Variants in TMPRSS4 observed in about 807,000 individuals in gnomAD.
TMPRSS4 encodes transmembrane protease serine 4.
In TMPRSS4, 45 loss-of-function variants were observed where a neutral mutation model predicts 56.4. That is an observed-to-expected ratio of 0.80 (90% CI 0.63 to 1.02). TMPRSS4 has a LOEUF of 1.02. Ranked by LOEUF, TMPRSS4 falls within the 50% of genes least tolerant of loss-of-function variation. TMPRSS4 has a pLI of 0.00. For synonymous variants in TMPRSS4, 205 were observed against 211.0 expected (o/e 0.97, Z 0.25); for missense variants, 546 against 556.7 (o/e 0.98, Z 0.19).
intron 3 of TMPRSS4, among the ~76,000 whole-genome samples, chr11:118,101,342 A>G (rs747154482): frequency 1.3e-5 from 2 of 152,192 alleles, no homozygotes; most frequent in Non-Finnish European, 2.9e-5. Context: ...ACTACTCTTA[A>G]GACCAGCCCA....
At chr11:118,085,398 T>C (rs930221539) in intron 1 of TMPRSS4, among the ~76,000 whole-genome samples, 1 of 152,064 alleles carries the variant, frequency 6.6e-6, no homozygotes, top group African/African-American at 2.4e-5. Flanking sequence ...TAATTTTTTG[T>C]ATTTTTAGTA....
At chr11:118,114,957 G>A in intron 10 of TMPRSS4, 30 bp downstream of exon 10, 1 of 1,571,902 alleles carries the variant, frequency 6.4e-7, no homozygotes, top group Non-Finnish European at 8.7e-7. Context: ...CCACAGGGCA[G>A]GAGATGCCCT....
At chr11:118,088,684 A>C (rs1364671374) in intron 1 of TMPRSS4, among the ~76,000 whole-genome samples, 1 of 152,220 alleles carries the variant, frequency 6.6e-6, no homozygotes, top group East Asian at 1.9e-4. Context: ...CAGTGGCCCA[A>C]ACAGAAAGGG....
chr11:118,110,491 G>A (rs150185538), intron 7 of TMPRSS4, among the ~76,000 whole-genome samples: 12 of 152,156 alleles, frequency 7.9e-5, no homozygotes, highest in East Asian at 5.8e-4. Flanking sequence ...ACAGGCACCC[G>A]TCACCAGCCC....
chr11:118,109,232 C>T (rs1407413967), intron 7 of TMPRSS4, among the ~76,000 whole-genome samples: 1 of 152,216 alleles, frequency 6.6e-6, no homozygotes, highest in East Asian at 1.9e-4. Flanking sequence ...CCCACATAGC[C>T]TTCTTTGTCA....
chr11:118,122,097 G>A (rs1947808153), downstream of TMPRSS4, among the ~76,000 whole-genome samples: 1 of 152,126 alleles, frequency 6.6e-6, no homozygotes, highest in South Asian at 2.1e-4. Flanking sequence ...GTACAAAAGA[G>A]AAAGGAGGGA....
At chr11:118,096,705 G>A (rs1946309149) in intron 2 of TMPRSS4, among the ~76,000 whole-genome samples, 1 of 151,722 alleles carries the variant, frequency 6.6e-6, no homozygotes, top group Non-Finnish European at 1.5e-5. Context: ...AGGATGGCTT[G>A]AGCCCAGGAG....
chr11:118,077,150 C>T lies in TMPRSS4; in HGVS notation c.-153C>T, dbSNP rs1944721405. On this transcript the variant is annotated 5_prime_UTR_variant, in exon 1 of 13. Coordinates refer to ENST00000437212, the MANE Select transcript of TMPRSS4 (RefSeq NM_019894.4). The stretch of plus-strand genomic sequence containing the variant: ...GATGCTGGGCGTGAGGGACCAAGGC[C>T]TGCCCTGCACTCGGGCCTCCTCCAG... 5 of 824,602 alleles carry T rather than the reference C, an allele frequency of 6.1e-6. No individual in the cohort carries two copies. The highest frequency in any genetic ancestry group is 9.3e-6 in the Non-Finnish European group (5 of 537,008). The allele number at this position is 824,602 out of a possible 1,614,324, so 51.1% of individuals were successfully genotyped here.
chr11:118,118,073 G>A lies in TMPRSS4; in HGVS notation c.*160G>A, dbSNP rs1947655998. On this transcript the variant is annotated 3_prime_UTR_variant, in exon 13 of 13. Transcript: ENST00000437212. ...CAGCAAAGGGCCTCAATTCCTATAAGAGACCCTCGCAGCCCAGAGGCGCCC... is the reference window on the plus strand; with the variant it reads ...CAGCAAAGGGCCTCAATTCCTATAAAAGACCCTCGCAGCCCAGAGGCGCCC... The A allele has an allele frequency of 1.4e-6, 2 of 1,477,334 alleles. No homozygotes were observed. Among genetic ancestry groups the A allele is most frequent in the East Asian group, 2.4e-5 (1 of 40,830 alleles). The allele number at this position is 1,477,334 out of a possible 1,614,324, so 91.5% of individuals were successfully genotyped here.
chr11:118,113,427 C>G lies in TMPRSS4; in HGVS notation c.902C>G (p.Thr301Ser). ...CTCATGAAGCTGCAGTTCCCACTCACTTTCTCAGGTGAGAAGCAGGGCCCA... is the reference window on the plus strand; with the variant it reads ...CTCATGAAGCTGCAGTTCCCACTCAGTTTCTCAGGTGAGAAGCAGGGCCCA... ...IALMKLQFPL[T>S]FSGTVRPICL... Residue 301 changes from threonine (T) to serine (S), a missense_variant, in exon 9 of 13, where the codon ACT becomes AGT. Transcript: ENST00000437212. 3.1e-6 allele frequency: 5 copies of G among 1,614,046 alleles called. No homozygotes were observed. Among genetic ancestry groups the G allele is most frequent in the Non-Finnish European group, 4.2e-6 (5 of 1,179,920 alleles).
chr11:118,125,182 G>C, downstream of TMPRSS4: 1 of 440,020 alleles, frequency 2.3e-6, no homozygotes, highest in Non-Finnish European at 4.6e-6. Context: ...GGGCTTCCGG[G>C]AAAGGCTGAG....
intron 1 of TMPRSS4, among the ~76,000 whole-genome samples, chr11:118,079,008 A>C (rs780755568): frequency 2.0e-5 from 3 of 152,104 alleles, no homozygotes; most frequent in Non-Finnish European, 4.4e-5. Flanking sequence ...AGTACACCCA[A>C]CACAGACCCT....
chr11:118,109,707 C>A (rs1046997060), intron 7 of TMPRSS4, among the ~76,000 whole-genome samples: 1 of 152,310 alleles, frequency 6.6e-6, no homozygotes, highest in Non-Finnish European at 1.5e-5. Flanking sequence ...CTGAGACTGG[C>A]CTGGAAGCAT....
intron 3 of TMPRSS4, among the ~76,000 whole-genome samples, chr11:118,102,078 G>C (rs1418010403): frequency 6.6e-6 from 1 of 152,056 alleles, no homozygotes; most frequent in East Asian, 1.9e-4. Flanking sequence ...GTGCCATGGC[G>C]GTTTGCTGCA....
In TMPRSS4 at chr11:118,117,422, G is replaced by A; in HGVS notation, c.1270G>A (p.Ala424Thr). The A allele has an allele frequency of 1.2e-6, 2 of 1,614,052 alleles. No individual in the cohort carries two copies. Among genetic ancestry groups the A allele is most frequent in the African/African-American group, 1.3e-5 (1 of 75,026 alleles). ...CCCAGGAGTATACACCAAGGTCTCAGCCTATCTCAACTGGATCTACAATGT... is the reference window on the plus strand; with the variant it reads ...CCCAGGAGTATACACCAAGGTCTCAACCTATCTCAACTGGATCTACAATGT... ...STPGVYTKVS[A>T]YLNWIYNVWK... Residue 424 changes from alanine to threonine, a missense_variant, in exon 12 of 13, where the codon GCC becomes ACC. Coordinates refer to ENST00000437212, the MANE Select transcript of TMPRSS4 (RefSeq NM_019894.4).
intron 5 of TMPRSS4, 144 bp downstream of exon 5, chr11:118,104,964 A>G (rs935631029): frequency 4.3e-6 from 4 of 924,932 alleles, no homozygotes; most frequent in Admixed American, 3.2e-5. Context: ...CATTTCACTT[A>G]TAAGCAACAT....
At chr11:118,125,485 A>G (rs17092726), downstream of TMPRSS4, among the ~76,000 whole-genome samples, 10,589 of 152,176 alleles carry the variant, frequency 0.07, 896 homozygotes, top group East Asian at 0.4. Flanking sequence ...TGAACCCCCA[A>G]ATAAAGTGTT....
intron 6 of TMPRSS4, chr11:118,108,117 G>A (rs1947091954): frequency 6.8e-6 from 3 of 441,204 alleles, no homozygotes; most frequent in Non-Finnish European, 1.2e-5. Context: ...GTCCTACTCA[G>A]AGCCAGAGGG....
chr11:118,091,997 T>C (rs981874484), intron 1 of TMPRSS4, among the ~76,000 whole-genome samples: 1 of 152,144 alleles, frequency 6.6e-6, no homozygotes, highest in Admixed American at 6.5e-5. Flanking sequence ...TTTTACTAGG[T>C]ACTAGCCTGG....
Sources: gnomAD v4.1 joint callset for allele counts (sites outside exome capture counted in the v4.1 genomes callset) on GRCh38, gnomAD v4.1.1 for gene constraint, MANE v1.5 for transcripts, NCBI Gene and HGNC (gene_info 2026-07-23, HGNC 2026-07-21) for gene names.